The following GRIN2A variants were observed in gnomAD, a reference collection of about 807,000 sequenced individuals.
GRIN2A encodes the protein glutamate ionotropic receptor NMDA type subunit 2A.
In GRIN2A, 22 loss-of-function variants were observed where a neutral mutation model predicts 113.4. That is an observed-to-expected ratio of 0.19 (90% CI 0.14 to 0.28). The LOEUF is 0.28. Ranked by LOEUF, GRIN2A falls within the 10% of genes least tolerant of loss-of-function variation. GRIN2A has a pLI of 1.00. For missense variants in GRIN2A, 1,502 were observed against 1,887.0 expected (o/e 0.80, Z 3.78); for synonymous variants, 827 against 738.4 (o/e 1.12, Z -1.94).
chr16:10,172,278 G>A (rs565152477), intron 2 of GRIN2A, among the ~76,000 whole-genome samples: 51 of 152,292 alleles, frequency 3.3e-4, no homozygotes, highest in African/African-American at 1.1e-3. Flanking sequence ...TCCAACTCAA[G>A]TTGATTCATC....
intron 2 of GRIN2A, among the ~76,000 whole-genome samples, chr16:10,017,466 C>G (rs1306541371): frequency 2.0e-5 from 3 of 152,178 alleles, no homozygotes; most frequent in South Asian, 2.1e-4. Flanking sequence ...GCCAAACAGC[C>G]TTGGTTGCAT....
rs376243153 is a variant in GRIN2A, at chr16:9,834,106, T to C, written c.1776A>G (p.Lys592=). The change falls in exon 8 of 13, where the codon AAA becomes AAG. Residue 592 remains lysine, a splice_region_variant and synonymous_variant. Coordinates refer to ENST00000330684, the MANE Select transcript of GRIN2A (RefSeq NM_001134407.3). ...VGYNRNLAKG[K]APHGPSFTIG... ...TCATGCTCATGAAGGTACCCTTACC[T>C]TTCCCTTTGGCTAAGTTTCTGTTGT... 1.2e-6 allele frequency: 2 copies of C among 1,613,570 alleles called. No individual in the cohort carries two copies. Among genetic ancestry groups the C allele is most frequent in the Non-Finnish European group, 1.7e-6 (2 of 1,179,472 alleles).
chr16:9,827,783 C>G (rs1172215153), intron 9 of GRIN2A, among the ~76,000 whole-genome samples: 1 of 152,146 alleles, frequency 6.6e-6, no homozygotes. Flanking sequence ...TCCAGTATAC[C>G]ATGCATGTAT....
chr16:10,073,909 G>C (rs183315975), intron 2 of GRIN2A, among the ~76,000 whole-genome samples: 2 of 109,020 alleles, frequency 1.8e-5, no homozygotes, highest in African/African-American at 6.9e-5. Flanking sequence ...GACAGAGTGA[G>C]ACCCCCGTCA....
chr16:10,018,733 C>T (rs1237014935), intron 2 of GRIN2A, among the ~76,000 whole-genome samples: 2 of 152,164 alleles, frequency 1.3e-5, no homozygotes, highest in African/African-American at 2.4e-5. Flanking sequence ...ACCCCAGCTC[C>T]GCTTTCACCA....
At position 9,758,631 on chromosome 16, in the gene GRIN2A, C is replaced by T. The variant is rs899274861; in HGVS notation, c.*4518G>A. ...AGAAATCAAGCATGTATATTATATA[C>T]ATGTGTACACAAGCAGTTGTATTCA... is the stretch of plus-strand genomic sequence containing the variant. On this transcript the variant is annotated 3_prime_UTR_variant, in exon 13 of 13. Coordinates refer to ENST00000330684, the MANE Select transcript of GRIN2A (RefSeq NM_001134407.3). The T allele has an allele frequency of 4.7e-6, 1 of 212,070 alleles. No individual in the cohort carries two copies. Among genetic ancestry groups the T allele is most frequent in the African/African-American group, 2.3e-5 (1 of 44,170 alleles). The allele number at this position is 212,070 out of a possible 1,614,324, so 13.1% of individuals were successfully genotyped here. A position where few individuals can be genotyped will look rare whatever the true frequency, so the allele number is the denominator to read the frequency against.
At chr16:10,128,175 G>A (rs1169684207) in intron 2 of GRIN2A, among the ~76,000 whole-genome samples, 2 of 152,176 alleles carry the variant, frequency 1.3e-5, no homozygotes, top group South Asian at 2.1e-4. Context: ...GGCAGCTCAC[G>A]GTTGGACCTT....
intron 2 of GRIN2A, among the ~76,000 whole-genome samples, chr16:10,044,808 T>A (rs182515815): frequency 6.6e-6 from 1 of 152,090 alleles, no homozygotes; most frequent in Admixed American, 6.6e-5. Context: ...GACTGTAAGT[T>A]ACCAAGGGCA....
At chr16:9,987,948 G>A (rs758675070) in intron 2 of GRIN2A, among the ~76,000 whole-genome samples, 2 of 152,170 alleles carry the variant, frequency 1.3e-5, no homozygotes, top group African/African-American at 2.4e-5. Flanking sequence ...ATACTTGGAC[G>A]TGTCTAGCAT....
At chr16:10,141,848 G>A (rs1230012578) in intron 2 of GRIN2A, among the ~76,000 whole-genome samples, 1 of 152,166 alleles carries the variant, frequency 6.6e-6, no homozygotes, top group African/African-American at 2.4e-5. Context: ...ATTGCCAAAG[G>A]TCACACTGCT....
chr16:9,961,909 G>T (rs573528137), intron 2 of GRIN2A, among the ~76,000 whole-genome samples: 1 of 152,210 alleles, frequency 6.6e-6, no homozygotes, highest in Non-Finnish European at 1.5e-5. Flanking sequence ...AAAACAGCAT[G>T]GTACTGGTAC....
At chr16:9,936,879 A>G (rs952516148) in intron 3 of GRIN2A, among the ~76,000 whole-genome samples, 1 of 152,206 alleles carries the variant, frequency 6.6e-6, no homozygotes, top group Non-Finnish European at 1.5e-5. Flanking sequence ...GTAGTTTCAC[A>G]AACTGTTGTT....
intron 11 of GRIN2A, among the ~76,000 whole-genome samples, chr16:9,781,233 T>C (rs1239795957): frequency 2.6e-5 from 4 of 152,240 alleles, no homozygotes; most frequent in Admixed American, 2.6e-4. Flanking sequence ...AATAACTTTT[T>C]ATATTTATAT....
intron 2 of GRIN2A, among the ~76,000 whole-genome samples, chr16:10,108,221 T>G (rs936268733): frequency 6.6e-6 from 1 of 152,150 alleles, no homozygotes; most frequent in Non-Finnish European, 1.5e-5. Flanking sequence ...AGCAAGAAGG[T>G]GCAAGTCAAG....
chr16:9,887,884 C>T (rs2043615795), intron 4 of GRIN2A, among the ~76,000 whole-genome samples: 1 of 152,158 alleles, frequency 6.6e-6, no homozygotes, highest in African/African-American at 2.4e-5. Context: ...CATGGTGCAA[C>T]TATCTCTACC....
intron 2 of GRIN2A, among the ~76,000 whole-genome samples, chr16:9,979,496 G>A (rs958359433): frequency 1.3e-5 from 2 of 151,958 alleles, no homozygotes; most frequent in Non-Finnish European, 2.9e-5. Flanking sequence ...CAGCTTAAAC[G>A]TCTCATGCTC....
intron 2 of GRIN2A, among the ~76,000 whole-genome samples, chr16:10,048,723 G>A (rs2047302765): frequency 6.6e-6 from 1 of 151,356 alleles, no homozygotes; most frequent in Admixed American, 6.6e-5. Flanking sequence ...CATTCTGAAA[G>A]ACAGTAATAC....
chr16:10,080,473 G>T (rs957405448), intron 2 of GRIN2A, among the ~76,000 whole-genome samples: 1 of 152,142 alleles, frequency 6.6e-6, no homozygotes, highest in Non-Finnish European at 1.5e-5. Flanking sequence ...AGACCTCTGT[G>T]GGTGCCAAAC....
intron 2 of GRIN2A, among the ~76,000 whole-genome samples, chr16:9,979,119 C>T (rs143848741): frequency 7.4e-4 from 113 of 152,224 alleles, no homozygotes; most frequent in Non-Finnish European, 1.4e-3. Context: ...CAAGAGGAGA[C>T]TAAGATTCTA....
Sources: allele counts gnomAD v4.1 joint callset (sites outside exome capture counted in the v4.1 genomes callset), GRCh38; gene constraint gnomAD v4.1.1; transcripts MANE v1.5; gene names NCBI Gene and HGNC (gene_info 2026-07-23, HGNC 2026-07-21).